ZFP64: variants seen among roughly 807,000 people sequenced by gnomAD.
ZFP64 encodes the protein zinc finger protein 64.
Under a neutral mutation model 51.6 loss-of-function variants are expected in ZFP64, and 14 were observed. The ratio of observed to expected loss-of-function variants is 0.27; its 90% CI spans 0.18 to 0.42. ZFP64 has a LOEUF of 0.42. ZFP64 is among the 10% of genes least tolerant of loss of function. The pLI is 1.00. For synonymous variants in ZFP64, 375 were observed against 361.4 expected, an observed-to-expected ratio of 1.04 and a Z score of -0.43; for missense variants, 754 against 906.8, an observed-to-expected ratio of 0.83 and a Z score of 2.16.
At chr20:52,117,541 C>G in intron 5 of ZFP64, 1 of 415,156 alleles carries the variant, frequency 2.4e-6, no homozygotes, top group South Asian at 1.8e-5. Flanking sequence ...ATCACTTGAA[C>G]CCAGGAGGTG....
chr20:52,188,245 G>C (rs992423470), intron 1 of ZFP64, among the ~76,000 whole-genome samples: 5 of 151,444 alleles, frequency 3.3e-5, no homozygotes, highest in Admixed American at 3.3e-4. Flanking sequence ...GTATAATTTG[G>C]GTTTCTGCTA....
At position 52,090,690 on chromosome 20, in the gene ZFP64, T is replaced by C. The variant is rs149630729; in HGVS notation, c.977-2047A>G. Among the ~76,000 whole-genome samples the C allele has an allele frequency of 3.4e-3, 519 of 151,574 alleles. 4 individuals are homozygous for C. Among genetic ancestry groups the C allele is most frequent in the African/African-American group, 0.012 (481 of 41,310 alleles). On this transcript the variant is annotated intron_variant, in intron 7 of 8. Transcript: ENST00000361387. ...GATGCACACCTGTAATCCCAACTACTGGGGAGGCTGAGGCAGGAGAATGGC... is the reference window on the plus strand; with the variant it reads ...GATGCACACCTGTAATCCCAACTACCGGGGAGGCTGAGGCAGGAGAATGGC...
At chr20:52,084,626 C>G (rs140821732) in exon 9 of ZFP64, 2 of 1,614,076 alleles carry the variant, frequency 1.2e-6, no homozygotes, top group Non-Finnish European at 1.7e-6. Flanking sequence ...TGAGCTGTCC[C>G]GAGGCACCGC....
At chr20:52,184,250 T>C (rs538059780) in intron 2 of ZFP64, among the ~76,000 whole-genome samples, 1 of 152,320 alleles carries the variant, frequency 6.6e-6, no homozygotes, top group East Asian at 1.9e-4. Context: ...CAGAGATGTA[T>C]TGTTTGGCAA....
In ZFP64 at chr20:52,153,220, A is replaced by C; in HGVS notation, c.972T>G (p.Gly324=). The C allele has an allele frequency of 6.2e-7, 1 of 1,614,186 alleles. No individual in the cohort carries two copies. Among genetic ancestry groups the C allele is most frequent in the Non-Finnish European group, 8.5e-7 (1 of 1,180,022 alleles). The change falls in exon 6 of 6, where the codon GGT becomes GGG. Residue 324 remains glycine, a synonymous_variant. Transcript: ENST00000216923. The surrounding 1 kb of genome is among the most constrained non-coding windows in gnomAD (Gnocchi z 5.1). ...NFKCPHCDFL[G]DSKATLRKHS... ...GCTTCCGGAGGGTGGCTTTGCTGTC[A>C]CCCAGGAAGTCGCAATGAGGACACT...
intron 6 of ZFP64, among the ~76,000 whole-genome samples, chr20:52,097,612 G>A (rs777536899): frequency 6.6e-6 from 1 of 151,930 alleles, no homozygotes; most frequent in African/African-American, 2.4e-5. Context: ...CTGCCACCAC[G>A]CCTGGCTAAT....
intron 2 of ZFP64, among the ~76,000 whole-genome samples, chr20:52,178,031 C>CAAA (rs112472792): frequency 5.8e-5 from 5 of 86,172 alleles, no homozygotes; most frequent in Admixed American, 1.4e-4. Flanking sequence ...GCCTCTGTCT[C>CAAA]AAAAAAAAAA....
chr20:52,091,854 G>C (rs543643643), intron 7 of ZFP64, among the ~76,000 whole-genome samples: 1 of 114,170 alleles, frequency 8.8e-6, no homozygotes, highest in Non-Finnish European at 2.0e-5. Flanking sequence ...GCTAGACGTG[G>C]TGGCACATGC....
Position 52,085,452 on chromosome 20 carries a change from C to T in ZFP64, c.1229-186G>A, listed in dbSNP as rs1442662973. Among the ~76,000 whole-genome samples, 2 of 152,164 alleles carry T rather than the reference C, an allele frequency of 1.3e-5. No individual in the cohort carries two copies. The highest frequency in any genetic ancestry group is 1.9e-4 in the East Asian group (1 of 5,184). ...CTCACAACAATCCTATGAGTGGGTACTATTACCCCCACTTTACAGATGGGA... is the reference window on the plus strand; with the variant it reads ...CTCACAACAATCCTATGAGTGGGTATTATTACCCCCACTTTACAGATGGGA... On this transcript the variant is annotated intron_variant, in intron 8 of 8. Coordinates refer to the ZFP64 transcript ENST00000361387. This position sits in a 1 kb window ranked among gnomAD's most constrained non-coding sequence, Gnocchi z 4.3.
At chr20:52,175,890 T>G (rs1983165454) in intron 2 of ZFP64, 1 of 983,044 alleles carries the variant, frequency 1.0e-6, no homozygotes, top group South Asian at 4.7e-5. Context: ...TAATTCATTT[T>G]CTGAGAGAAA....
chr20:52,093,598 A>G (rs879863276), intron 7 of ZFP64, among the ~76,000 whole-genome samples: 2 of 152,242 alleles, frequency 1.3e-5, no homozygotes, highest in Non-Finnish European at 2.9e-5. Context: ...ACAGTGCTGG[A>G]GACCCTCGTC....
At chr20:52,090,977 C>T (rs1462923623) in intron 7 of ZFP64, among the ~76,000 whole-genome samples, 1 of 141,048 alleles carries the variant, frequency 7.1e-6, no homozygotes, top group East Asian at 2.1e-4. Flanking sequence ...TGGTGGTATA[C>T]CCTTGTAGTC....
At chr20:52,088,788 G>T in intron 7 of ZFP64, 1 of 1,030,264 alleles carries the variant, frequency 9.7e-7, no homozygotes, top group Non-Finnish European at 1.5e-6. Flanking sequence ...GTCTACATCA[G>T]CATATTGGGA....
intron 2 of ZFP64, among the ~76,000 whole-genome samples, chr20:52,177,648 C>T (rs1353183769): frequency 6.6e-6 from 1 of 151,984 alleles, no homozygotes; most frequent in Non-Finnish European, 1.5e-5. Context: ...AACTCCGCAC[C>T]TTTGAGCTGC....
intron 7 of ZFP64, chr20:52,096,660 A>G (rs144815175): frequency 8.6e-5 from 15 of 174,642 alleles, no homozygotes; most frequent in Non-Finnish European, 1.7e-4. Flanking sequence ...GGGCCAAGGC[A>G]GGTGGATCAC....
At chr20:52,129,762 CAT>C (rs1311380554) in intron 5 of ZFP64, among the ~76,000 whole-genome samples, 1 of 152,186 alleles carries the variant, frequency 6.6e-6, no homozygotes, top group Non-Finnish European at 1.5e-5. Flanking sequence ...CATTAAAGCA[CAT>C]ATGTGTTGTG....
intron 2 of ZFP64, among the ~76,000 whole-genome samples, chr20:52,184,840 C>A (rs1483291730): frequency 6.6e-6 from 1 of 152,006 alleles, no homozygotes; most frequent in Non-Finnish European, 1.5e-5. Flanking sequence ...GTTGACGAGG[C>A]TGGTCTTGAA....
Position 52,152,411 on chromosome 20 carries a change from GGGCCACCTGA to G in ZFP64, c.1771_1780del (p.Ser591ProfsTer24). ...AGTTTGATTGCCAGAGCCTTCCTGG[GGGCCACCTGA>G]GGCCGTGGGGATGAGAGTCTGGTGC... On this transcript the variant is annotated frameshift_variant, in exon 6 of 6. Coordinates refer to ENST00000216923, the MANE Select transcript of ZFP64 (RefSeq NM_018197.3). LOFTEE classifies it high-confidence loss of function. 6.2e-7 allele frequency: 1 copy of G among 1,614,160 alleles called. No individual in the cohort carries two copies. The highest frequency in any genetic ancestry group is 8.5e-7 in the Non-Finnish European group (1 of 1,180,026).
intron 5 of ZFP64, among the ~76,000 whole-genome samples, chr20:52,102,926 CAG>C (rs913232752): frequency 2.0e-5 from 3 of 152,172 alleles, no homozygotes; most frequent in African/African-American, 2.4e-5. Context: ...ACCAGATTCT[CAG>C]GGGGAGAAAG....
Sources: allele counts gnomAD v4.1 joint callset (sites outside exome capture counted in the v4.1 genomes callset), GRCh38; gene constraint gnomAD v4.1.1; non-coding constraint Gnocchi (gnomAD v3.1); transcripts MANE v1.5; gene names NCBI Gene and HGNC (gene_info 2026-07-23, HGNC 2026-07-21).